MPV17: variants seen among roughly 807,000 people sequenced by gnomAD.
The protein encoded by MPV17 is mitochondrial inner membrane protein MPV17, also known as MPV17, mitochondrial inner membrane protein.
MPV17 carries 31 observed loss-of-function variants against 28.6 expected under a neutral mutation model. The observed-to-expected ratio is 1.08, with a 90% CI of 0.81 to 1.46. MPV17 has a LOEUF of 1.46. MPV17 is among the 40% of genes most tolerant of loss of function. The probability of loss-of-function intolerance (pLI) is 0.00; values close to 1 mark genes in which losing one functional copy is unlikely to be tolerated. For missense variants in MPV17, 198 were observed against 216.2 expected, an observed-to-expected ratio of 0.92 and a Z score of 0.53; for synonymous variants, 87 against 85.3, an observed-to-expected ratio of 1.02 and a Z score of -0.11.
rs1679347054 is a variant in MPV17 at position 27,309,567 on chromosome 2, G to A, written c.*345C>T. 1.9e-6 allele frequency: 1 copy of A among 523,042 alleles called. No homozygotes were observed. Among genetic ancestry groups the A allele is most frequent in the Non-Finnish European group, 3.4e-6 (1 of 291,682 alleles). The allele number at this position is 523,042 out of a possible 1,614,324, so 32.4% of individuals were successfully genotyped here. ...TTCCGGGAGTCTCTAAAGAGCTGGA[G>A]CTACAAGAAGCCTAGGCAGGGTTAG... On this transcript the variant is annotated 3_prime_UTR_variant, in exon 8 of 8. Transcript: ENST00000380044.
At chr2:27,313,618 G>T (rs1265322556) in intron 2 of MPV17, among the ~76,000 whole-genome samples, 1 of 152,142 alleles carries the variant, frequency 6.6e-6, no homozygotes, top group East Asian at 1.9e-4. Context: ...GTGTAGAATG[G>T]TAGGAAACCC....
At chr2:27,316,909 C>T (rs1679674858) in intron 2 of MPV17, 3 of 598,386 alleles carry the variant, frequency 5.0e-6, no homozygotes, top group Admixed American at 3.3e-5. Context: ...GTTCTCATGC[C>T]GTCACTCCCG....
chr2:27,316,183 A>C, intron 2 of MPV17: 2 of 1,551,154 alleles, frequency 1.3e-6, no homozygotes, highest in Non-Finnish European at 1.7e-6. Context: ...AGACAGCAAT[A>C]TTCCTGGGAA....
intron 2 of MPV17, chr2:27,321,986 T>C (rs1679876923): frequency 5.1e-6 from 1 of 194,818 alleles, no homozygotes; most frequent in Non-Finnish European, 1.1e-5. Context: ...TTCTTTTGTA[T>C]GTTTCACAAT....
At chr2:27,315,371 T>C (rs1337975521) in intron 2 of MPV17, among the ~76,000 whole-genome samples, 2 of 152,276 alleles carry the variant, frequency 1.3e-5, no homozygotes, top group Non-Finnish European at 2.9e-5. Context: ...GCTGCAGCCC[T>C]GCAGAAAGGG....
chr2:27,322,075 C>A, intron 2 of MPV17: 1 of 295,644 alleles, frequency 3.4e-6, no homozygotes, highest in Non-Finnish European at 6.5e-6. Context: ...CTCAAGTAAC[C>A]CTCCTAGCTC....
At chr2:27,322,707 G>A in intron 1 of MPV17, 185 bp from the exon 2 acceptor site, 1 of 616,502 alleles carries the variant, frequency 1.6e-6, no homozygotes, top group Non-Finnish European at 2.9e-6. Context: ...TAGACAATTG[G>A]GGAAGAGAGA....
Position 27,312,228 on chromosome 2 carries a change from T to A in MPV17, c.394A>T (p.Ile132Phe). 6.2e-7 allele frequency: 1 copy of A among 1,614,114 alleles called. No individual in the cohort carries two copies. Among genetic ancestry groups the A allele is most frequent in the Non-Finnish European group, 8.5e-7 (1 of 1,179,976 alleles). The change falls in exon 6 of 8, where the codon ATC becomes TTC. Residue 132 changes from isoleucine to phenylalanine, a missense_variant. Ile to Phe is a conservative substitution (Grantham distance 21). Transcript: ENST00000380044. Reference protein sequence around the residue: ...KLQRDYPDALITNYYLWPAVQ... With the variant: ...KLQRDYPDALFTNYYLWPAVQ... ...TCAGCTCTTACATAGTAGTTGGTGATAAGGGCATCAGGATAATCCTGGGGA... is the reference window on the plus strand; with the variant it reads ...TCAGCTCTTACATAGTAGTTGGTGAAAAGGGCATCAGGATAATCCTGGGGA...
intron 2 of MPV17, among the ~76,000 whole-genome samples, chr2:27,319,349 C>T (rs1679769036): frequency 6.6e-6 from 1 of 150,982 alleles, no homozygotes; most frequent in South Asian, 2.1e-4. Flanking sequence ...GGCAAAACCC[C>T]ATCTCTACCA....
At chr2:27,311,809 G>A in intron 7 of MPV17, 90 bp downstream of exon 7, 1 of 1,577,250 alleles carries the variant, frequency 6.3e-7, no homozygotes, top group Admixed American at 1.9e-5. Flanking sequence ...GGGGGTCTAA[G>A]GTAGCTCAAG....
intron 2 of MPV17, chr2:27,316,013 A>C: frequency 6.5e-7 from 1 of 1,543,452 alleles, no homozygotes; most frequent in Non-Finnish European, 8.7e-7. Context: ...CAGTGGCACC[A>C]GGAGGCCCCT....
chr2:27,317,281 A>G lies in MPV17; in HGVS notation c.71-4172T>C, dbSNP rs1251850738. The G allele has an allele frequency of 6.9e-7, 1 of 1,459,224 alleles. No individual in the cohort carries two copies. The highest frequency in any genetic ancestry group is 2.5e-5 in the Admixed American group (1 of 40,512). 90.4% of individuals were successfully genotyped at this position (1,459,224 alleles called of 1,614,324 possible). ...CTAGGATAGGGGCTCAGTCTGGCAC[A>G]GAGCCCAGAGGGAGTGGAAGCCCAG... On this transcript the variant is annotated intron_variant, in intron 2 of 7. Coordinates refer to ENST00000380044, the MANE Select transcript of MPV17 (RefSeq NM_002437.5). The surrounding 1 kb of genome is among the most constrained non-coding windows in gnomAD (Gnocchi z 4.0).
intron 2 of MPV17, among the ~76,000 whole-genome samples, chr2:27,320,220 G>A (rs1272886980): frequency 5.3e-5 from 8 of 150,432 alleles, no homozygotes; most frequent in Non-Finnish European, 1.0e-4. Flanking sequence ...CCGGGCAACA[G>A]TGCAAGACTC....
Position 27,317,975 on chromosome 2 carries a change from C to T in MPV17, c.70+4473G>A, listed in dbSNP as rs955266734. ...ATAGATTCTTGCTTCAGGCCTGTGC[C>T]ACACCTGGGCCTTTGCTATTGATGG... On this transcript the variant is annotated intron_variant, in intron 2 of 7. Transcript: ENST00000380044. The surrounding 1 kb of genome is among the most constrained non-coding windows in gnomAD (Gnocchi z 4.0). Among the ~76,000 whole-genome samples the T allele has an allele frequency of 2.6e-5, 4 of 152,216 alleles. No individual in the cohort carries two copies. The highest frequency in any genetic ancestry group is 7.2e-5 in the African/African-American group (3 of 41,444).
In MPV17 at chr2:27,312,591, TA is replaced by T; in HGVS notation, c.280-3del. The T allele has an allele frequency of 3.1e-6, 5 of 1,613,936 alleles. No homozygotes were observed. Among genetic ancestry groups the T allele is most frequent in the Non-Finnish European group, 3.4e-6 (4 of 1,179,846 alleles). On this transcript the variant is annotated splice_polypyrimidine_tract_variant and splice_region_variant and intron_variant, in intron 4 of 7. Transcript: ENST00000380044. ...TAGAAAACACGGGGCAAAGCCCCCC[TA>T]GGGAAGAGAAATTAAAGTCCTATGA...
At chr2:27,315,324 G>A (rs182315647) in intron 2 of MPV17, among the ~76,000 whole-genome samples, 27 of 152,326 alleles carry the variant, frequency 1.8e-4, no homozygotes, top group Admixed American at 1.2e-3. Context: ...ACCCGCACCC[G>A]GTTCCCTATC....
intron 7 of MPV17, 151 bp downstream of exon 7, chr2:27,311,748 T>TA: frequency 6.4e-7 from 1 of 1,556,168 alleles, no homozygotes; most frequent in Non-Finnish European, 8.7e-7. Context: ...ACATTCTGAA[T>TA]AACACGCTTG....
intron 1 of MPV17, 78 bp from the exon 2 acceptor site, chr2:27,322,600 C>G: frequency 2.6e-6 from 3 of 1,173,176 alleles, no homozygotes; most frequent in Non-Finnish European, 3.8e-6. Context: ...TTCCCTTGTG[C>G]CCACTCCCTT....
At chr2:27,319,870 G>T (rs1398256924) in intron 2 of MPV17, among the ~76,000 whole-genome samples, 1 of 149,186 alleles carries the variant, frequency 6.7e-6, no homozygotes, top group Non-Finnish European at 1.5e-5. Context: ...AGGTTGCAGT[G>T]AGCTGATATA....
Sources: allele counts gnomAD v4.1 joint callset (sites outside exome capture counted in the v4.1 genomes callset), GRCh38; gene constraint gnomAD v4.1.1; non-coding constraint Gnocchi (gnomAD v3.1); transcripts MANE v1.5; gene names NCBI Gene and HGNC (gene_info 2026-07-23, HGNC 2026-07-21).